Variants in ARHGAP6 observed in about 807,000 individuals in gnomAD.
ARHGAP6 encodes the protein rho GTPase-activating protein 6.
Under a neutral mutation model 55.7 loss-of-function variants are expected in ARHGAP6, and 16 were observed. The ratio of observed to expected loss-of-function variants is 0.29; its 90% CI spans 0.19 to 0.44. The LOEUF is 0.44. Among genes scored for constraint, ARHGAP6 ranks in the 20% least tolerant of loss-of-function variants. The probability of loss-of-function intolerance (pLI) is 1.00; values close to 1 mark genes in which losing one functional copy is unlikely to be tolerated. For synonymous variants in ARHGAP6, 382 were observed against 360.9 expected (o/e 1.06, Z -0.66); for missense variants, 698 against 808.9 (o/e 0.86, Z 1.66).
chrX:11,427,516 CCT>C, intron 1 of ARHGAP6: 2 of 942,184 alleles, frequency 2.1e-6, no homozygotes, highest in South Asian at 4.2e-5. Context: ...AGTGGCGCCC[CCT>C]GTGTCCTCTG....
chrX:11,417,401 T>G (rs180730228), intron 1 of ARHGAP6, among the ~76,000 whole-genome samples: 108 of 108,851 alleles, frequency 9.9e-4, no homozygotes, highest in African/African-American at 3.1e-3. Flanking sequence ...GGACCAGCTG[T>G]GTATTTTGAA....
At chrX:11,482,720 G>A (rs1025317100) in intron 1 of ARHGAP6, among the ~76,000 whole-genome samples, 1 of 110,653 alleles carries the variant, frequency 9.0e-6, no homozygotes, top group South Asian at 3.8e-4. Flanking sequence ...TACTCCAAAC[G>A]GCCAGCCTTG....
At chrX:11,633,705 C>G (rs948382012) in intron 1 of ARHGAP6, among the ~76,000 whole-genome samples, 5 of 111,955 alleles carry the variant, frequency 4.5e-5, no homozygotes, top group African/African-American at 1.6e-4. Flanking sequence ...AACCTTGAAC[C>G]ATTCACTAGA....
chrX:11,245,754 G>T (rs1381266943), intron 2 of ARHGAP6, among the ~76,000 whole-genome samples: 1 of 111,706 alleles, frequency 9.0e-6, no homozygotes, highest in East Asian at 2.8e-4. Context: ...AAGCTGTTTG[G>T]CTTCATGCAT....
At chrX:11,647,941 T>C (rs1382658093) in intron 1 of ARHGAP6, among the ~76,000 whole-genome samples, 1 of 112,027 alleles carries the variant, frequency 8.9e-6, no homozygotes, top group African/African-American at 3.2e-5. Flanking sequence ...CTTGCCAACC[T>C]GATGTAATGT....
At chrX:11,316,308 T>C (rs961413688) in intron 1 of ARHGAP6, among the ~76,000 whole-genome samples, 2 of 112,136 alleles carry the variant, frequency 1.8e-5, no homozygotes, top group Non-Finnish European at 3.8e-5. Flanking sequence ...CATATCCTTT[T>C]CTAGAAAGAT....
intron 10 of ARHGAP6, among the ~76,000 whole-genome samples, chrX:11,152,494 T>C (rs1457615846): frequency 8.9e-6 from 1 of 111,836 alleles, no homozygotes; most frequent in Non-Finnish European, 1.9e-5. Context: ...CTGGCCAGCC[T>C]CTTTATTGTG....
intron 1 of ARHGAP6, among the ~76,000 whole-genome samples, chrX:11,265,176 A>G (rs2047607754): frequency 8.9e-6 from 1 of 112,452 alleles, no homozygotes; most frequent in Non-Finnish European, 1.9e-5. Context: ...CCCTTATAAT[A>G]ATGAAAGCCA....
intron 1 of ARHGAP6, among the ~76,000 whole-genome samples, chrX:11,358,444 T>C (rs112930969): frequency 0.074 from 5,744 of 77,656 alleles, 197 homozygotes; most frequent in African/African-American, 0.17. Flanking sequence ...TTTCTTTCTT[T>C]CTTTCTTTCT....
At chrX:11,244,765 G>A (rs2047331163) in intron 2 of ARHGAP6, among the ~76,000 whole-genome samples, 1 of 112,187 alleles carries the variant, frequency 8.9e-6, no homozygotes, top group Admixed American at 9.5e-5. Context: ...TGCAGTGACA[G>A]AAGTTTTGGT....
chrX:11,252,117 C>A (rs763085281), intron 2 of ARHGAP6, among the ~76,000 whole-genome samples: 31 of 111,686 alleles, frequency 2.8e-4, no homozygotes, highest in African/African-American at 9.4e-4. Context: ...CTCTAGTAGA[C>A]AAGTTTTATA....
chrX:11,381,123 T>C (rs1214540045), intron 1 of ARHGAP6, among the ~76,000 whole-genome samples: 1 of 112,668 alleles, frequency 8.9e-6, no homozygotes, highest in African/African-American at 3.2e-5. Flanking sequence ...CAGCAGTCCA[T>C]AGCGGTTCCT....
At chrX:11,328,224 T>G (rs1419128500) in intron 1 of ARHGAP6, among the ~76,000 whole-genome samples, 1 of 112,149 alleles carries the variant, frequency 8.9e-6, no homozygotes, top group African/African-American at 3.2e-5. Context: ...TCTCCAAACA[T>G]CTGAGCATTA....
intron 8 of ARHGAP6, among the ~76,000 whole-genome samples, chrX:11,172,861 T>C (rs1229570415): frequency 1.8e-5 from 2 of 112,009 alleles, no homozygotes; most frequent in Non-Finnish European, 3.8e-5. Context: ...CTTCATTTTT[T>C]AATTAGCTAG....
intron 9 of ARHGAP6, among the ~76,000 whole-genome samples, chrX:11,166,267 C>G (rs1337363877): frequency 2.7e-5 from 3 of 111,289 alleles, no homozygotes; most frequent in Non-Finnish European, 5.6e-5. Context: ...CTTCTACATC[C>G]CTTCCACCAG....
At chrX:11,160,215 C>A (rs1000558651) in intron 9 of ARHGAP6, among the ~76,000 whole-genome samples, 1 of 108,001 alleles carries the variant, frequency 9.3e-6, no homozygotes, top group East Asian at 2.9e-4. Flanking sequence ...TTTGGGAGGC[C>A]GAGGTGGGCA....
intron 1 of ARHGAP6, among the ~76,000 whole-genome samples, chrX:11,321,349 C>T (rs1226776630): frequency 1.8e-5 from 2 of 111,549 alleles, no homozygotes; most frequent in Non-Finnish European, 3.8e-5. Context: ...TTTAGTTGCA[C>T]AGTGGTATTT....
chrX:11,520,357 T>C (rs1340404748), intron 1 of ARHGAP6, among the ~76,000 whole-genome samples: 1 of 101,063 alleles, frequency 9.9e-6, no homozygotes, highest in Non-Finnish European at 2.0e-5. Context: ...TTCCCCTTCC[T>C]GTGTCCAAGT....
chrX:11,361,322 T>C lies in ARHGAP6; in HGVS notation c.589-106615A>G, dbSNP rs751969489. On this transcript the variant is annotated intron_variant, in intron 1 of 12. Coordinates refer to ENST00000337414, the MANE Select transcript of ARHGAP6 (RefSeq NM_013427.3). ...AAAACAGAGATATAGATCAATGGAA[T>C]AGAACAGAGCCCTCAGAAATAACGC... Among the ~76,000 whole-genome samples the C allele has an allele frequency of 5.0e-3, 548 of 109,359 alleles. 11 individuals are homozygous for C. The highest frequency in any genetic ancestry group is 0.032 in the Admixed American group (319 of 10,040). 95.0% of individuals were successfully genotyped at this position (109,359 alleles called of 115,157 possible). A position where few individuals can be genotyped will look rare whatever the true frequency, so the allele number is the denominator to read the frequency against.
Sources: allele counts gnomAD v4.1 joint callset (sites outside exome capture counted in the v4.1 genomes callset), GRCh38; gene constraint gnomAD v4.1.1; transcripts MANE v1.5; gene names NCBI Gene and HGNC (gene_info 2026-07-23, HGNC 2026-07-21).